Variants in ARMC12 observed in about 807,000 individuals in gnomAD.
The protein encoded by ARMC12 is armadillo repeat containing 12.
A neutral mutation model predicts 37.4 loss-of-function variants in ARMC12; 25 were observed. That is an observed-to-expected ratio of 0.67 (90% CI 0.49 to 0.93). ARMC12 has a LOEUF of 0.93. Ranked by LOEUF, ARMC12 falls within the 40% of genes least tolerant of loss-of-function variation. ARMC12 has a pLI of 0.00. For missense variants in ARMC12, 384 were observed against 426.6 expected, an observed-to-expected ratio of 0.90 and a Z score of 0.88; for synonymous variants, 167 against 176.1, an observed-to-expected ratio of 0.95 and a Z score of 0.41.
chr6:35,740,309 GA>G (rs986652188), intron 3 of ARMC12, among the ~76,000 whole-genome samples: 1 of 151,790 alleles, frequency 6.6e-6, no homozygotes, highest in Admixed American at 6.6e-5. Flanking sequence ...CTGCTGCCAT[GA>G]AAAAAATGGC....
upstream of ARMC12, among the ~76,000 whole-genome samples, chr6:35,734,858 A>G (rs1163701995): frequency 6.6e-6 from 1 of 152,182 alleles, no homozygotes; most frequent in Non-Finnish European, 1.5e-5. Context: ...AAGATGGTCA[A>G]TGGACTTTAT....
Position 35,744,680 on chromosome 6 carries a change from G to C in ARMC12, c.445-2581G>C, listed in dbSNP as rs987911805. Among the ~76,000 whole-genome samples, 6 of 152,158 alleles carry C rather than the reference G, an allele frequency of 3.9e-5. No homozygotes were observed. In the East Asian group the frequency reaches 1.2e-3, roughly 30 times the overall value. On this transcript the variant is annotated intron_variant, in intron 3 of 5. Transcript: ENST00000373866. ...TGAGAAAGGAGAATCACTTGAACCT[G>C]GGAGGTGGAGGTTGCAGCGAGCCGA...
chr6:35,739,059 A>G (rs946354127), intron 3 of ARMC12, among the ~76,000 whole-genome samples: 1 of 151,188 alleles, frequency 6.6e-6, no homozygotes, highest in African/African-American at 2.4e-5. Flanking sequence ...TTTTTTATAT[A>G]AAGGACACAA....
At chr6:35,744,570 C>T (rs1451775979) in intron 3 of ARMC12, among the ~76,000 whole-genome samples, 21 of 152,014 alleles carry the variant, frequency 1.4e-4, no homozygotes, top group East Asian at 1.2e-3. Flanking sequence ...GCCTGGGCAG[C>T]ATGGTGAAAC....
Position 35,748,808 on chromosome 6 carries a change from G to A in ARMC12, c.961G>A (p.Asp321Asn), listed in dbSNP as rs748256906. 1 of 1,614,146 alleles carries A rather than the reference G, an allele frequency of 6.2e-7. No homozygotes were observed. Among genetic ancestry groups the A allele is most frequent in the East Asian group, 2.2e-5 (1 of 44,888 alleles). Reference protein sequence around the residue: ...KVIVSLQYPQDLRARPSSCQP... With the variant: ...KVIVSLQYPQNLRARPSSCQP... ...CATTGTCAGCCTGCAGTATCCCCAG[G>A]ACTTGAGAGCCCGGCCCTCCTCCTG... The change falls in exon 6 of 6, where the codon GAC becomes AAC. Residue 321 changes from aspartate to asparagine, a missense_variant. Physicochemically the swap from Asp to Asn is conservative, Grantham distance 23 (BLOSUM62 1). Coordinates refer to ENST00000373866, the MANE Select transcript of ARMC12 (RefSeq NM_001286574.2).
upstream of ARMC12, among the ~76,000 whole-genome samples, chr6:35,732,407 A>G (rs1766855862): frequency 6.6e-6 from 1 of 152,230 alleles, no homozygotes; most frequent in African/African-American, 2.4e-5. Context: ...GGCAGTAGAC[A>G]GGAATTCATA....
intron 3 of ARMC12, among the ~76,000 whole-genome samples, chr6:35,742,339 T>C (rs9470087): frequency 0.42 from 62,702 of 150,686 alleles, 14,326 homozygotes; most frequent in East Asian, 0.61. Context: ...CTACTAAAAA[T>C]ACAAAAATTA....
chr6:35,747,305 C>T lies in ARMC12; in HGVS notation c.489C>T (p.Asp163=), dbSNP rs150705594. ...KVLELISTIW[D]TELHIAGLRL... is the part of the protein sequence containing the mutation. ...TCGAACTGATCTCCACCATCTGGGA[C>T]ACGGAACTGCACATTGCGGGCCTCA... Residue 163 remains aspartate, a synonymous_variant, in exon 4 of 6, where the codon GAC becomes GAT. Coordinates refer to ENST00000373866, the MANE Select transcript of ARMC12 (RefSeq NM_001286574.2). 6.2e-7 allele frequency: 1 copy of T among 1,613,478 alleles called. No individual in the cohort carries two copies. Among genetic ancestry groups the T allele is most frequent in the Non-Finnish European group, 8.5e-7 (1 of 1,180,028 alleles).
rs138792036 is a variant in ARMC12 at position 35,748,640 on chromosome 6, C to G, written c.793C>G (p.Pro265Ala). 1 of 1,613,434 alleles carries G rather than the reference C, an allele frequency of 6.2e-7. No individual in the cohort carries two copies. Among genetic ancestry groups the G allele is most frequent in the Non-Finnish European group, 8.5e-7 (1 of 1,179,556 alleles). Residue 265 changes from proline (P) to alanine (A), a missense_variant, in exon 6 of 6, where the codon CCC (proline) becomes GCC (alanine). Physicochemically the swap from Pro to Ala is conservative, Grantham distance 27 (BLOSUM62 -1). Transcript: ENST00000373866. ...GCGGCTGAGTGAGGGCCGGAACGCA[C>G]CCCACTACCACGTGGTGAAATGGCA... ...AERLSEGRNAPHYHVVKWHYN... is the reference protein window; with the variant it reads ...AERLSEGRNAAHYHVVKWHYN...
At chr6:35,741,565 C>T (rs963627847) in intron 3 of ARMC12, among the ~76,000 whole-genome samples, 9 of 152,038 alleles carry the variant, frequency 5.9e-5, no homozygotes, top group African/African-American at 9.7e-5. Flanking sequence ...CAGGCGTGCG[C>T]GCACCACCAT....
chr6:35,743,037 G>C (rs1767221174), intron 3 of ARMC12, among the ~76,000 whole-genome samples: 1 of 152,126 alleles, frequency 6.6e-6, no homozygotes, highest in Non-Finnish European at 1.5e-5. Flanking sequence ...CAGACTTGCT[G>C]ACTCCAACCT....
At chr6:35,744,858 G>A (rs768051090) in intron 3 of ARMC12, among the ~76,000 whole-genome samples, 2 of 152,148 alleles carry the variant, frequency 1.3e-5, no homozygotes, top group Admixed American at 6.5e-5. Context: ...TGGCAAATAA[G>A]CACATGAAAC....
chr6:35,739,750 G>A (rs1192065848), intron 3 of ARMC12, among the ~76,000 whole-genome samples: 1 of 152,194 alleles, frequency 6.6e-6, no homozygotes, highest in Non-Finnish European at 1.5e-5. Flanking sequence ...TGTTATGGAG[G>A]CCTGCCACAA....
chr6:35,747,756 C>A, intron 5 of ARMC12, 109 bp downstream of exon 5: 1 of 1,117,750 alleles, frequency 8.9e-7, no homozygotes, highest in Non-Finnish European at 1.3e-6. Context: ...GTTTTAGTAT[C>A]TTCCTGCCTC....
At position 35,743,750 on chromosome 6, in the gene ARMC12, G is replaced by A. The variant is rs906928530; in HGVS notation, c.445-3511G>A. ...AGTGCCATGGAGAAAAATAAAAGGC[G>A]GGGGGTGGATAAAGGAGTCTGGGTG... On this transcript the variant is annotated intron_variant, in intron 3 of 5. Coordinates refer to ENST00000373866, the MANE Select transcript of ARMC12 (RefSeq NM_001286574.2). 3.3e-5 allele frequency among the ~76,000 whole-genome samples: 5 copies of A among 151,798 alleles called. No individual in the cohort carries two copies. In the East Asian group the frequency reaches 5.8e-4, roughly 18 times the overall value.
At position 35,738,278 on chromosome 6, in the gene ARMC12, G is replaced by A. The variant is rs1241476083; in HGVS notation, c.309+106G>A. ...TATATCCTGGGACCTCTCTCTGGCT[G>A]ATAGCGGTGGGGGGGGGGTGTGCGG... On this transcript the variant is annotated intron_variant, in intron 2 of 5. Transcript: ENST00000373866. The A allele has an allele frequency of 4.6e-6, 4 of 869,996 alleles. No individual in the cohort carries two copies. In the East Asian group the frequency reaches 1.3e-4, roughly 29 times the overall value. 53.9% of individuals were successfully genotyped at this position (869,996 alleles called of 1,614,324 possible). A position where few individuals can be genotyped will look rare whatever the true frequency, so the allele number is the denominator to read the frequency against.
chr6:35,745,976 G>T (rs961016770), intron 3 of ARMC12, among the ~76,000 whole-genome samples: 1 of 152,140 alleles, frequency 6.6e-6, no homozygotes, highest in African/African-American at 2.4e-5. Flanking sequence ...TACCTGGGAG[G>T]CAGAGGTTGC....
At chr6:35,741,117 C>G (rs548398298) in intron 3 of ARMC12, among the ~76,000 whole-genome samples, 18 of 152,200 alleles carry the variant, frequency 1.2e-4, no homozygotes, top group Middle Eastern at 3.4e-3. Context: ...AATTCTCCCC[C>G]CTGGGTCTCT....
At position 35,738,386 on chromosome 6, in the gene ARMC12, C is replaced by T. The variant is rs766271701; in HGVS notation, c.312C>T (p.Ala104=). The T allele has an allele frequency of 1.2e-6, 2 of 1,613,566 alleles. No individual in the cohort carries two copies. The highest frequency in any genetic ancestry group is 2.2e-5 in the East Asian group (1 of 44,834). ...TRCVYLLEAE[A]SACTTDDIVL... is the part of the protein sequence containing the mutation. ...TCCATCTCTCCCCAATACTCCAGGC[C>T]TCTGCTTGTACTACGGATGACATCG... Residue 104 remains alanine, a splice_region_variant and synonymous_variant, in exon 3 of 6, where the codon GCC becomes GCT. Coordinates refer to ENST00000373866, the MANE Select transcript of ARMC12 (RefSeq NM_001286574.2).
Sources: gnomAD v4.1 joint callset for allele counts (sites outside exome capture counted in the v4.1 genomes callset) on GRCh38, gnomAD v4.1.1 for gene constraint, MANE v1.5 for transcripts, NCBI Gene and HGNC (gene_info 2026-07-23, HGNC 2026-07-21) for gene names.